SCAI: variants seen among roughly 807,000 people sequenced by gnomAD.
SCAI encodes the protein suppressor of cancer cell invasion.
SCAI carries 24 observed loss-of-function variants against 92.2 expected under a neutral mutation model. The ratio of observed to expected loss-of-function variants is 0.26; its 90% CI spans 0.19 to 0.37. The LOEUF is 0.37. SCAI is among the 10% of genes least tolerant of loss of function. The pLI, the probability that SCAI is intolerant of heterozygous loss-of-function variation, is 1.00. For missense variants in SCAI, 450 were observed against 736.2 expected (o/e 0.61, Z 4.50); for synonymous variants, 261 against 258.6 (o/e 1.01, Z -0.09).
chr9:125,019,258 C>T, intron 7 of SCAI, 53 bp from the exon 8 acceptor site: 1 of 1,002,030 alleles, frequency 1.0e-6, no homozygotes, highest in Non-Finnish European at 1.5e-6. Flanking sequence ...TAAAAACACA[C>T]AGCCATATAG....
At chr9:125,084,804 G>A (rs1410475124) in intron 2 of SCAI, among the ~76,000 whole-genome samples, 1 of 152,090 alleles carries the variant, frequency 6.6e-6, no homozygotes, top group Non-Finnish European at 1.5e-5. Flanking sequence ...TTAAAAAGGG[G>A]TTATAACATG....
chr9:125,118,908 C>A (rs1835104979), intron 2 of SCAI, among the ~76,000 whole-genome samples: 1 of 152,228 alleles, frequency 6.6e-6, no homozygotes, highest in African/African-American at 2.4e-5. Context: ...GCATAGTATT[C>A]CATGGTGTAT....
At chr9:125,066,179 G>A (rs1833865190) in intron 2 of SCAI, 2 of 515,816 alleles carry the variant, frequency 3.9e-6, no homozygotes, top group Admixed American at 3.7e-5. Flanking sequence ...TTAACCAGTG[G>A]GTTTAGCAAA....
chr9:124,957,814 C>G (rs1249287076), intron 17 of SCAI, among the ~76,000 whole-genome samples: 1 of 152,000 alleles, frequency 6.6e-6, no homozygotes. Context: ...TCCCAAGTAG[C>G]TGGGATTACA....
At chr9:124,969,033 C>T (rs1831600104) in intron 17 of SCAI, among the ~76,000 whole-genome samples, 1 of 152,044 alleles carries the variant, frequency 6.6e-6, no homozygotes, top group Admixed American at 6.5e-5. Flanking sequence ...GCCTCAAACC[C>T]CTGGGCTCAA....
chr9:124,992,732 T>A (rs1832154552), intron 14 of SCAI, among the ~76,000 whole-genome samples: 1 of 152,178 alleles, frequency 6.6e-6, no homozygotes, highest in South Asian at 2.1e-4. Context: ...GATTTATTTC[T>A]TCAGAGGAGT....
At chr9:125,027,104 T>A (rs1272236514) in intron 5 of SCAI, among the ~76,000 whole-genome samples, 194 bp from the exon 6 acceptor site, 6 of 152,160 alleles carry the variant, frequency 3.9e-5, no homozygotes, top group African/African-American at 9.7e-5. Context: ...GAAATTTTTT[T>A]AAAAACCTCC....
chr9:125,096,259 C>A (rs1034523578), intron 2 of SCAI, among the ~76,000 whole-genome samples: 100 of 152,248 alleles, frequency 6.6e-4, no homozygotes, highest in African/African-American at 2.4e-3. Flanking sequence ...GGAACTCCCC[C>A]TTGCAGAACC....
intron 3 of SCAI, among the ~76,000 whole-genome samples, chr9:125,042,433 G>A (rs998603105): frequency 1.3e-5 from 2 of 151,750 alleles, no homozygotes; most frequent in Admixed American, 6.6e-5. Context: ...TGATCCCTAC[G>A]TACACCTAAA....
chr9:125,131,820 G>A (rs1055986347), intron 2 of SCAI, among the ~76,000 whole-genome samples: 2 of 152,148 alleles, frequency 1.3e-5, no homozygotes, highest in Non-Finnish European at 2.9e-5. Flanking sequence ...GAATAGTCCT[G>A]TGTTTCAGTG....
intron 17 of SCAI, among the ~76,000 whole-genome samples, chr9:124,965,649 G>A (rs1564359898): frequency 6.6e-6 from 1 of 152,224 alleles, no homozygotes; most frequent in Non-Finnish European, 1.5e-5. Context: ...CGTAGCTACA[G>A]TGATGGCTTC....
At chr9:124,962,597 T>C (rs1252222264) in intron 17 of SCAI, among the ~76,000 whole-genome samples, 1 of 152,164 alleles carries the variant, frequency 6.6e-6, no homozygotes, top group Non-Finnish European at 1.5e-5. Flanking sequence ...CAGATTTTCT[T>C]TTCTTTTTTT....
rs370195036 is a variant in SCAI, at chr9:125,129,133, C to T, written c.98+13500G>A. On this transcript the variant is annotated intron_variant, in intron 2 of 17. Coordinates refer to ENST00000336505, the MANE Select transcript of SCAI (RefSeq NM_001144877.3). ...GGAAATGTCTCTTTCTGGAAGTATT[C>T]CAGCTAATAATGAAGAGGGAATGAG... Among the ~76,000 whole-genome samples, 14 of 151,168 alleles carry T rather than the reference C, an allele frequency of 9.3e-5. 1 individual carries two copies. The South Asian group carries it at 2.9e-3, about 32-fold the overall frequency.
chr9:125,096,802 T>C (rs550982930), intron 2 of SCAI, among the ~76,000 whole-genome samples: 7 of 152,366 alleles, frequency 4.6e-5, no homozygotes, highest in African/African-American at 1.7e-4. Flanking sequence ...TGTCTTTGCA[T>C]AATCAAACAT....
intron 17 of SCAI, among the ~76,000 whole-genome samples, chr9:124,959,489 C>T (rs1831392705): frequency 6.8e-6 from 1 of 147,490 alleles, no homozygotes; most frequent in African/African-American, 2.5e-5. Context: ...TATATACACA[C>T]ACACATATAT....
At chr9:124,999,491 GAC>G (rs1451995127) in intron 13 of SCAI, among the ~76,000 whole-genome samples, 2 of 152,018 alleles carry the variant, frequency 1.3e-5, no homozygotes, top group Admixed American at 6.6e-5. Context: ...AGGAAATCAA[GAC>G]TGACCTGAGT....
At chr9:124,963,757 CAA>C (rs36017738) in intron 17 of SCAI, among the ~76,000 whole-genome samples, 28 of 52,280 alleles carry the variant, frequency 5.4e-4, no homozygotes, top group African/African-American at 1.8e-3. Context: ...GAATCTGTCT[CAA>C]AAAAAAAAAA....
chr9:125,126,258 C>A (rs182845995), intron 2 of SCAI, among the ~76,000 whole-genome samples: 8 of 152,314 alleles, frequency 5.3e-5, no homozygotes, highest in Non-Finnish European at 1.2e-4. Flanking sequence ...TGGTTGCTGG[C>A]AGGCCTCACT....
At chr9:125,070,789 A>T (rs1461925146) in intron 2 of SCAI, among the ~76,000 whole-genome samples, 2 of 152,198 alleles carry the variant, frequency 1.3e-5, no homozygotes, top group Non-Finnish European at 2.9e-5. Flanking sequence ...TCATGCCTGT[A>T]ATCCCAAGGT....
Sources: allele counts gnomAD v4.1 joint callset (sites outside exome capture counted in the v4.1 genomes callset), GRCh38; gene constraint gnomAD v4.1.1; transcripts MANE v1.5; gene names NCBI Gene and HGNC (gene_info 2026-07-23, HGNC 2026-07-21).